REV3L: variants seen among roughly 807,000 people sequenced by gnomAD.
REV3L encodes REV3 like, DNA directed polymerase zeta catalytic subunit.
In REV3L, 69 loss-of-function variants were observed where a neutral mutation model predicts 299.4. That is an observed-to-expected ratio of 0.23 (90% CI 0.19 to 0.28). The LOEUF is 0.28. Ranked by LOEUF, REV3L falls within the 10% of genes least tolerant of loss-of-function variation. REV3L has a pLI of 1.00. For synonymous variants in REV3L, 1,238 were observed against 1,271.4 expected (o/e 0.97, Z 0.56); for missense variants, 3,128 against 3,693.8 (o/e 0.85, Z 3.97).
chr6:111,431,767 G>T, intron 1 of REV3L: 1 of 758,070 alleles, frequency 1.3e-6, no homozygotes, highest in Non-Finnish European at 2.4e-6. Context: ...TGCTGAATGT[G>T]GACCTGGTGG....
chr6:111,322,670 A>G lies in REV3L; in HGVS notation c.8250T>C (p.Asp2750=). 2.5e-6 allele frequency: 4 copies of G among 1,613,632 alleles called. No homozygotes were observed. Among genetic ancestry groups the G allele is most frequent in the Non-Finnish European group, 3.4e-6 (4 of 1,179,524 alleles). The change falls in exon 26 of 32, where the codon GAT becomes GAC. Residue 2750 remains aspartate, a synonymous_variant. Coordinates refer to ENST00000368802, the MANE Select transcript of REV3L (RefSeq NM_001372078.1). ...TCTCTCTGGCTTTGTGAACAATACT[A>G]TCGCCAACCTGTTGGTACAAACACA... ...SGRMPCIEVG[D]SIVHKARETL... is the part of the protein sequence containing the mutation.
chr6:111,450,701 T>C (rs1789431431), intron 1 of REV3L, among the ~76,000 whole-genome samples: 1 of 151,880 alleles, frequency 6.6e-6, no homozygotes, highest in Admixed American at 6.6e-5. Context: ...AAGAAAGTAA[T>C]GAGAAAAGCT....
At chr6:111,368,335 A>G (rs1047254959) in intron 13 of REV3L, among the ~76,000 whole-genome samples, 5 of 152,196 alleles carry the variant, frequency 3.3e-5, no homozygotes, top group African/African-American at 1.2e-4. Context: ...CAAACTTTTC[A>G]GATTCCTTTC....
chr6:111,392,729 C>T (rs1293663389), intron 5 of REV3L, 147 bp downstream of exon 5: 3 of 529,082 alleles, frequency 5.7e-6, no homozygotes, highest in East Asian at 2.9e-5. Context: ...TTGTAATACA[C>T]TAATGTCAAG....
At chr6:111,341,139 C>T (rs1018894078) in intron 21 of REV3L, among the ~76,000 whole-genome samples, 10 of 150,216 alleles carry the variant, frequency 6.7e-5, no homozygotes, top group Admixed American at 2.0e-4. Context: ...CTCCTGCTCC[C>T]GGGTTCAAGT....
At chr6:111,325,906 T>C (rs1774738359) in intron 25 of REV3L, among the ~76,000 whole-genome samples, 1 of 152,220 alleles carries the variant, frequency 6.6e-6, no homozygotes, top group East Asian at 1.9e-4. Flanking sequence ...ATTAATCATT[T>C]CTACTTTATC....
chr6:111,307,765 A>C (rs182139754), intron 30 of REV3L, 195 bp from the exon 31 acceptor site: 125 of 575,800 alleles, frequency 2.2e-4, no homozygotes, highest in African/African-American at 2.0e-3. Context: ...CCTTGCCTTC[A>C]TGGAACTTAC....
intron 3 of REV3L, among the ~76,000 whole-genome samples, chr6:111,407,330 T>C (rs1989574): frequency 0.4 from 60,708 of 151,896 alleles, 14,652 homozygotes; most frequent in Non-Finnish European, 0.54. Flanking sequence ...AGTAAATAAG[T>C]CTGTAGAGGG....
chr6:111,313,546 T>C (rs1228251352), intron 27 of REV3L, 57 bp from the exon 28 acceptor site: 2 of 1,504,862 alleles, frequency 1.3e-6, no homozygotes, highest in African/African-American at 2.8e-5. Context: ...CCAAGAATGT[T>C]TTATTTTTAT....
intron 1 of REV3L, among the ~76,000 whole-genome samples, chr6:111,434,340 C>T (rs942709468): frequency 2.0e-5 from 3 of 152,028 alleles, no homozygotes; most frequent in South Asian, 2.1e-4. Flanking sequence ...ATGGTCCGGG[C>T]GTGGTGGCTC....
In REV3L at chr6:111,474,988, T is replaced by TATATACACACACACAC. The variant is rs151075609; in HGVS notation, c.139+7761_139+7762insGTGTGTGTGTGTATAT. ...ATTACATTCTATAGCTGCCTATATA[T>TATATACACACACACAC]ACACACACACACACACACACACACA... On this transcript the variant is annotated intron_variant, in intron 1 of 31. Transcript: ENST00000368802. Among the ~76,000 whole-genome samples, 249 of 145,930 alleles carry TATATACACACACACAC rather than the reference T, an allele frequency of 1.7e-3. 1 individual carries two copies. The highest frequency in any genetic ancestry group is 4.2e-3 in the East Asian group (21 of 4,994).
intron 26 of REV3L, among the ~76,000 whole-genome samples, chr6:111,317,014 T>G (rs1304586291): frequency 6.6e-6 from 1 of 152,214 alleles, no homozygotes; most frequent in Non-Finnish European, 1.5e-5. Flanking sequence ...CCAACAGAAG[T>G]AATGGTTAAT....
At position 111,413,290 on chromosome 6, in the gene REV3L, G is replaced by C. The variant is rs376944344; in HGVS notation, c.330-1736C>G. Among the ~76,000 whole-genome samples, 24 of 152,030 alleles carry C rather than the reference G, an allele frequency of 1.6e-4. No individual in the cohort carries two copies. The East Asian group carries it at 4.2e-3, about 27-fold the overall frequency. On this transcript the variant is annotated intron_variant, in intron 2 of 31. Transcript: ENST00000368802. Reference sequence around the variant, plus strand: ...TTCCTCATCAGGGAGACTCTTTGGGGGAAAAAAGTAGAATGGAGGAGTATG... The same window carrying C: ...TTCCTCATCAGGGAGACTCTTTGGGCGAAAAAAGTAGAATGGAGGAGTATG...
chr6:111,472,816 C>T (rs1792402837), intron 1 of REV3L, among the ~76,000 whole-genome samples: 1 of 152,108 alleles, frequency 6.6e-6, no homozygotes, highest in African/African-American at 2.4e-5. Context: ...CACACACACA[C>T]ACCAAACAAA....
chr6:111,335,089 T>C (rs1379875801), intron 22 of REV3L, among the ~76,000 whole-genome samples: 1 of 152,174 alleles, frequency 6.6e-6, no homozygotes, highest in Non-Finnish European at 1.5e-5. Context: ...AGTCCACTTA[T>C]ATTGATTTTC....
intron 4 of REV3L, among the ~76,000 whole-genome samples, chr6:111,401,177 A>G (rs1226447540): frequency 1.3e-5 from 2 of 152,180 alleles, no homozygotes; most frequent in Non-Finnish European, 2.9e-5. Flanking sequence ...GTAAGTCTCG[A>G]AAGTGGGTAA....
chr6:111,450,336 A>G (rs1163679066), intron 1 of REV3L, among the ~76,000 whole-genome samples: 1 of 151,926 alleles, frequency 6.6e-6, no homozygotes, highest in East Asian at 1.9e-4. Context: ...AAAATTAGCC[A>G]GGCACGGTGA....
chr6:111,311,625 T>TA (rs1772987004), intron 28 of REV3L: 1 of 155,554 alleles, frequency 6.4e-6, no homozygotes, highest in Non-Finnish European at 1.4e-5. Context: ...TATTTACCAG[T>TA]ATAGAAAGGG....
chr6:111,393,460 G>C (rs977087276), intron 4 of REV3L, among the ~76,000 whole-genome samples: 1 of 152,088 alleles, frequency 6.6e-6, no homozygotes, highest in Non-Finnish European at 1.5e-5. Context: ...AAGGTACTTA[G>C]GATGCCATCA....
Sources: allele counts gnomAD v4.1 joint callset (sites outside exome capture counted in the v4.1 genomes callset), GRCh38; gene constraint gnomAD v4.1.1; transcripts MANE v1.5; gene names NCBI Gene and HGNC (gene_info 2026-07-23, HGNC 2026-07-21).